Variants in IFTAP observed in about 807,000 individuals in gnomAD.
IFTAP encodes intraflagellar transport associated protein.
A neutral mutation model predicts 19.4 loss-of-function variants in IFTAP; 19 were observed. That is an observed-to-expected ratio of 0.98 (90% confidence interval 0.68 to 1.44). IFTAP has a LOEUF of 1.44. IFTAP is among the 40% of genes most tolerant of loss of function. The pLI, the probability that IFTAP is intolerant of heterozygous loss-of-function variation, is 0.00. For synonymous variants in IFTAP, 85 were observed against 83.5 expected, an observed-to-expected ratio of 1.02 and a Z score of -0.10; for missense variants, 240 against 253.6, an observed-to-expected ratio of 0.95 and a Z score of 0.36.
chr11:36,656,642 C>T (rs1180204902), intron 5 of IFTAP, among the ~76,000 whole-genome samples: 2 of 151,706 alleles, frequency 1.3e-5, no homozygotes, highest in African/African-American at 4.8e-5. Flanking sequence ...TTTTTGCATT[C>T]CTCTATTGGA....
chr11:36,606,227 G>A (rs1851687860), intron 1 of IFTAP, among the ~76,000 whole-genome samples: 1 of 152,206 alleles, frequency 6.6e-6, no homozygotes, highest in East Asian at 1.9e-4. Context: ...GGGAGGCCAA[G>A]GCAGGCGGAT....
intron 1 of IFTAP, among the ~76,000 whole-genome samples, chr11:36,608,095 G>A (rs1378128192): frequency 1.3e-5 from 2 of 152,158 alleles, no homozygotes; most frequent in East Asian, 1.9e-4. Context: ...GTGGTGATAT[G>A]TCTATGATAA....
chr11:36,654,596 T>C (rs1044879048), intron 5 of IFTAP, among the ~76,000 whole-genome samples: 5 of 152,160 alleles, frequency 3.3e-5, no homozygotes, highest in Non-Finnish European at 7.4e-5. Context: ...GCCTACATAC[T>C]TGAATCCGTC....
chr11:36,624,802 G>C (rs1460313821), intron 2 of IFTAP, among the ~76,000 whole-genome samples: 1 of 152,086 alleles, frequency 6.6e-6, no homozygotes, highest in African/African-American at 2.4e-5. Flanking sequence ...TGGCAGAGCA[G>C]AAAGATAGAA....
intron 4 of IFTAP, among the ~76,000 whole-genome samples, chr11:36,645,958 T>A (rs1375720127): frequency 6.6e-6 from 1 of 152,192 alleles, no homozygotes; most frequent in East Asian, 1.9e-4. Context: ...TAAGGTGCTA[T>A]GTTAGGCACT....
chr11:36,597,643 G>GA (rs1851325364), intron 1 of IFTAP: 1 of 152,128 alleles, frequency 6.6e-6, no homozygotes, highest in African/African-American at 2.4e-5. Context: ...CTTTTCCAAA[G>GA]AAAGATACTG....
chr11:36,635,919 G>C, intron 3 of IFTAP, 132 bp from the exon 4 acceptor site: 2 of 677,912 alleles, frequency 3.0e-6, no homozygotes, highest in Non-Finnish European at 5.3e-6. Context: ...CTTGAGCTGG[G>C]ACTCAAGAGT....
At chr11:36,658,072 T>C (rs1854072415) in intron 5 of IFTAP, among the ~76,000 whole-genome samples, 1 of 152,228 alleles carries the variant, frequency 6.6e-6, no homozygotes, top group African/African-American at 2.4e-5. Context: ...ATGCTACATT[T>C]TTACGAACAT....
At chr11:36,641,971 A>G (rs528130750) in intron 4 of IFTAP, among the ~76,000 whole-genome samples, 4 of 152,234 alleles carry the variant, frequency 2.6e-5, no homozygotes, top group East Asian at 1.9e-4. Flanking sequence ...TATTGGGTGC[A>G]TATATATTTA....
chr11:36,613,285 A>AT lies in IFTAP; in HGVS notation c.136+3047dup, dbSNP rs1851941460. On this transcript the variant is annotated intron_variant, in intron 2 of 5. Coordinates refer to ENST00000334307, the MANE Select transcript of IFTAP (RefSeq NM_138787.4). ...TAACTAATTTATAGGACTTTCTAGAATATCTGTTTAAAAGGAAAAAAAGGC... is the reference window on the plus strand; with the variant it reads ...TAACTAATTTATAGGACTTTCTAGAATTATCTGTTTAAAAGGAAAAAAAGGC... Among the ~76,000 whole-genome samples the AT allele has an allele frequency of 3.9e-5, 6 of 152,168 alleles. No homozygotes were observed. The South Asian group carries it at 1.2e-3, about 32-fold the overall frequency.
intron 1 of IFTAP, among the ~76,000 whole-genome samples, chr11:36,598,726 G>T (rs925495700): frequency 3.9e-5 from 6 of 152,098 alleles, no homozygotes; most frequent in African/African-American, 1.4e-4. Context: ...TGGGCTTTTG[G>T]GGTCAAGCTC....
intron 4 of IFTAP, among the ~76,000 whole-genome samples, chr11:36,640,824 A>G (rs934833567): frequency 1.3e-5 from 2 of 152,216 alleles, no homozygotes; most frequent in African/African-American, 4.8e-5. Flanking sequence ...GAAGATCTAC[A>G]TAACACAGTG....
At chr11:36,613,070 G>A (rs181277496) in intron 2 of IFTAP, among the ~76,000 whole-genome samples, 58 of 152,080 alleles carry the variant, frequency 3.8e-4, no homozygotes, top group Admixed American at 3.1e-3. Context: ...AGTTTTAAAC[G>A]GCCAATTATA....
intron 5 of IFTAP, among the ~76,000 whole-genome samples, chr11:36,650,729 T>A (rs1303019559): frequency 1.3e-5 from 2 of 149,144 alleles, no homozygotes; most frequent in African/African-American, 2.5e-5. Flanking sequence ...CAACAGGCCC[T>A]GGTGTGTGAT....
At chr11:36,623,858 T>C (rs927257031) in intron 2 of IFTAP, among the ~76,000 whole-genome samples, 2 of 151,966 alleles carry the variant, frequency 1.3e-5, no homozygotes, top group Non-Finnish European at 2.9e-5. Flanking sequence ...TTTAAAGACT[T>C]ACGCAAGAGT....
intron 1 of IFTAP, chr11:36,594,959 G>T (rs1316940394): frequency 6.6e-6 from 1 of 152,264 alleles, no homozygotes; most frequent in East Asian, 1.9e-4. Flanking sequence ...GGTTACAAAA[G>T]CCGTGACTGT....
intron 5 of IFTAP, among the ~76,000 whole-genome samples, chr11:36,650,299 T>C (rs1248521717): frequency 6.6e-6 from 1 of 152,118 alleles, no homozygotes; most frequent in African/African-American, 2.4e-5. Context: ...CCTAACTTTC[T>C]CTTAATTGCC....
Position 36,636,076 on chromosome 11 carries a change from A to G in IFTAP, c.317A>G (p.Asp106Gly). The part of the protein sequence containing the change: ...EQVDNFLDLE[D>G]LDMDEEIKPQ... Reference sequence around the variant, plus strand: ...GTAGATAATTTCCTAGATTTAGAAGATTTGGACATGGATGAAGAGATTAAA... The same window carrying G: ...GTAGATAATTTCCTAGATTTAGAAGGTTTGGACATGGATGAAGAGATTAAA... The change falls in exon 4 of 6, where the codon GAT becomes GGT. Residue 106 changes from aspartate to glycine, a missense_variant. Physicochemically the swap from Asp to Gly is moderately conservative, Grantham distance 94. Transcript: ENST00000334307. 1 of 1,609,258 alleles carries G rather than the reference A, an allele frequency of 6.2e-7. No individual in the cohort carries two copies.
chr11:36,611,088 G>GA (rs1395546157), intron 2 of IFTAP, among the ~76,000 whole-genome samples: 1 of 152,072 alleles, frequency 6.6e-6, no homozygotes, highest in Admixed American at 6.6e-5. Flanking sequence ...CTTGCCCAGT[G>GA]AGCTCCTTAG....
Sources: allele counts gnomAD v4.1 joint callset (sites outside exome capture counted in the v4.1 genomes callset), GRCh38; gene constraint gnomAD v4.1.1; transcripts MANE v1.5; gene names NCBI Gene and HGNC (gene_info 2026-07-23, HGNC 2026-07-21).